The following CNTN6 variants were observed in gnomAD, a reference collection of about 807,000 sequenced individuals.
CNTN6 encodes the protein contactin-6.
CNTN6 carries 137 observed loss-of-function variants against 122.8 expected under a neutral mutation model. That is an observed-to-expected ratio of 1.12 (90% CI 0.97 to 1.29). CNTN6 has a LOEUF of 1.29. Among genes scored for constraint, CNTN6 ranks in the 50% most tolerant of loss-of-function variants. CNTN6 has a pLI of 0.00. For synonymous variants in CNTN6, 570 were observed against 426.0 expected (o/e 1.34, Z -4.16); for missense variants, 1,634 against 1,223.4 (o/e 1.34, Z -5.01).
At chr3:1,244,369 GT>G (rs2094529230) in intron 4 of CNTN6, among the ~76,000 whole-genome samples, 1 of 150,730 alleles carries the variant, frequency 6.6e-6, no homozygotes, top group Non-Finnish European at 1.5e-5. Flanking sequence ...AGGAGAAGGG[GT>G]TGAGGGGTAC....
At chr3:1,375,026 T>C (rs752134893) in intron 16 of CNTN6, among the ~76,000 whole-genome samples, 2 of 152,046 alleles carry the variant, frequency 1.3e-5, no homozygotes, top group Non-Finnish European at 2.9e-5. Context: ...AGCTAGGTTT[T>C]GAATCCAAAC....
chr3:1,228,841 C>G (rs2094318995), intron 4 of CNTN6, among the ~76,000 whole-genome samples: 2 of 152,146 alleles, frequency 1.3e-5, no homozygotes, highest in Admixed American at 6.5e-5. Flanking sequence ...ATGACCAAAA[C>G]TCACCTTGTG....
At chr3:1,327,296 G>A (rs998746432) in intron 9 of CNTN6, among the ~76,000 whole-genome samples, 161 bp from the exon 10 acceptor site, 4 of 151,602 alleles carry the variant, frequency 2.6e-5, no homozygotes, top group Middle Eastern at 3.2e-3. Context: ...ACATATTTTC[G>A]TTTTTTAAAC....
intron 2 of CNTN6, chr3:1,173,274 C>G (rs2093392320): frequency 4.4e-6 from 2 of 456,548 alleles, no homozygotes; most frequent in Admixed American, 4.7e-5. Context: ...GGAAATCTAC[C>G]TCTTATGCTA....
At chr3:1,264,209 C>G (rs1231613214) in intron 4 of CNTN6, among the ~76,000 whole-genome samples, 1 of 151,980 alleles carries the variant, frequency 6.6e-6, no homozygotes, top group Non-Finnish European at 1.5e-5. Flanking sequence ...CTACTGTGGG[C>G]CAGCACTTAC....
intron 2 of CNTN6, among the ~76,000 whole-genome samples, chr3:1,153,124 T>C (rs893750969): frequency 6.6e-6 from 1 of 152,222 alleles, no homozygotes; most frequent in African/African-American, 2.4e-5. Context: ...AGGACTTTTA[T>C]ATGTATTTTA....
rs530770811 is a variant in CNTN6 at position 1,283,540 on chromosome 3, C to G, written c.454+5032C>G. 1.5e-3 allele frequency among the ~76,000 whole-genome samples: 229 copies of G among 152,296 alleles called. 2 individuals carry two copies. Among genetic ancestry groups the G allele is most frequent in the African/African-American group, 5.2e-3 (216 of 41,564 alleles). ...ATGAAAACAAGCAATCAATAAACTT[C>G]CATGGACCCAGTGAGTTAGTCCAGC... On this transcript the variant is annotated intron_variant, in intron 5 of 22. Coordinates refer to ENST00000446702, the MANE Select transcript of CNTN6 (RefSeq NM_001289080.2).
chr3:1,329,379 CCT>C (rs1400290974), intron 10 of CNTN6, among the ~76,000 whole-genome samples: 1 of 151,554 alleles, frequency 6.6e-6, no homozygotes, highest in East Asian at 2.0e-4. Flanking sequence ...CCATCTTCAT[CCT>C]CTTTGTTGTA....
intron 4 of CNTN6, among the ~76,000 whole-genome samples, chr3:1,228,583 T>C (rs1366266645): frequency 6.6e-6 from 1 of 152,220 alleles, no homozygotes; most frequent in Non-Finnish European, 1.5e-5. Context: ...ATCCTTTATA[T>C]ATAGTGTTTC....
At chr3:1,175,940 T>C (rs1044941281) in intron 2 of CNTN6, among the ~76,000 whole-genome samples, 3 of 152,184 alleles carry the variant, frequency 2.0e-5, no homozygotes, top group Non-Finnish European at 2.9e-5. Flanking sequence ...ACCTCAGCAA[T>C]TGGTTCACTG....
At chr3:1,313,422 C>G (rs1559793583) in intron 7 of CNTN6, among the ~76,000 whole-genome samples, 1 of 152,024 alleles carries the variant, frequency 6.6e-6, no homozygotes, top group Non-Finnish European at 1.5e-5. Context: ...TTTACTAAGC[C>G]TTATTTATGC....
intron 7 of CNTN6, among the ~76,000 whole-genome samples, chr3:1,302,068 T>G (rs1381513530): frequency 6.6e-6 from 1 of 152,194 alleles, no homozygotes; most frequent in African/African-American, 2.4e-5. Flanking sequence ...ATTAATTATG[T>G]TATAGGTATA....
At chr3:1,253,588 A>G (rs1247266997) in intron 4 of CNTN6, among the ~76,000 whole-genome samples, 4 of 152,158 alleles carry the variant, frequency 2.6e-5, no homozygotes, top group Non-Finnish European at 5.9e-5. Flanking sequence ...CATCTAAGGC[A>G]GGACAATTTT....
Position 1,402,406 on chromosome 3 carries a change from A to C in CNTN6, c.2906A>C (p.Asp969Ala). 6.2e-7 allele frequency: 1 copy of C among 1,612,586 alleles called. No individual in the cohort carries two copies. Among genetic ancestry groups the C allele is most frequent in the Non-Finnish European group, 8.5e-7 (1 of 1,178,998 alleles). The change falls in exon 22 of 23, where the codon GAC becomes GCC. Residue 969 changes from aspartate (D) to alanine (A), a missense_variant. By Grantham distance (126) the Asp-to-Ala change is moderately radical. Coordinates refer to ENST00000446702, the MANE Select transcript of CNTN6 (RefSeq NM_001289080.2). ...SAELLVPFEE[D>A]YLIEIRTVSD... ...GAGCTTCTGGTTCCATTTGAAGAAG[A>C]CTACTTAATTGAAATAAGAACAGTC...
At chr3:1,387,018 C>CAGAT (rs3836235) in intron 20 of CNTN6, among the ~76,000 whole-genome samples, 1 of 151,358 alleles carries the variant, frequency 6.6e-6, no homozygotes, top group East Asian at 1.9e-4. Flanking sequence ...GATCAACTGT[C>CAGAT]AGATATTCAT....
chr3:1,214,196 T>A (rs2094092067), intron 2 of CNTN6, among the ~76,000 whole-genome samples: 1 of 152,050 alleles, frequency 6.6e-6, no homozygotes, highest in Admixed American at 6.6e-5. Flanking sequence ...ATGGATTTCA[T>A]TGTTAAGTGA....
At chr3:1,311,211 AT>A (rs1224667449) in intron 7 of CNTN6, among the ~76,000 whole-genome samples, 1 of 148,530 alleles carries the variant, frequency 6.7e-6, no homozygotes, top group Non-Finnish European at 1.5e-5. Context: ...TATATATAAA[AT>A]GTCTTTATAT....
chr3:1,111,394 G>A (rs2091474315), intron 1 of CNTN6, among the ~76,000 whole-genome samples: 1 of 152,168 alleles, frequency 6.6e-6, no homozygotes, highest in Non-Finnish European at 1.5e-5. Flanking sequence ...CAAAGGATAT[G>A]TGGTATCATT....
chr3:1,373,137 G>C (rs751070966), intron 14 of CNTN6, among the ~76,000 whole-genome samples, 182 bp downstream of exon 14: 1 of 152,078 alleles, frequency 6.6e-6, no homozygotes, highest in African/African-American at 2.4e-5. Context: ...ACATGGAACT[G>C]TGTGAATACA....
Sources: allele counts gnomAD v4.1 joint callset (sites outside exome capture counted in the v4.1 genomes callset), GRCh38; gene constraint gnomAD v4.1.1; transcripts MANE v1.5; gene names NCBI Gene and HGNC (gene_info 2026-07-23, HGNC 2026-07-21).